The following CCDC30 variants were observed in gnomAD, a reference collection of about 807,000 sequenced individuals.
CCDC30 encodes coiled-coil domain-containing protein 30.
In CCDC30, 70 loss-of-function variants were observed where a neutral mutation model predicts 100.2. The ratio of observed to expected loss-of-function variants is 0.70; its 90% CI spans 0.58 to 0.85. CCDC30 has a LOEUF of 0.85. Among genes scored for constraint, CCDC30 ranks in the 40% least tolerant of loss-of-function variants. The pLI, the probability that CCDC30 is intolerant of heterozygous loss-of-function variation, is 0.00. For missense variants in CCDC30, 652 were observed against 771.2 expected (o/e 0.85, Z 1.83); for synonymous variants, 233 against 269.5 (o/e 0.86, Z 1.33).
intron 1 of CCDC30, among the ~76,000 whole-genome samples, chr1:42,465,353 T>G: frequency 6.6e-6 from 1 of 151,792 alleles, no homozygotes; most frequent in East Asian, 1.9e-4. Flanking sequence ...TTTTTTTTGT[T>G]TTTGTTTTTG....
rs1166253995 is a variant in CCDC30 at position 42,636,965 on chromosome 1, C to CAAAAAAAAAA, written c.1278-254_1278-245dup. Among the ~76,000 whole-genome samples, 24 of 29,518 alleles carry CAAAAAAAAAA rather than the reference C, an allele frequency of 8.1e-4. 2 individuals are homozygous for CAAAAAAAAAA. The highest frequency in any genetic ancestry group is 5.8e-3 in the South Asian group (2 of 342). The allele number at this position is 29,518 out of a possible 152,430, so 19.4% of individuals were successfully genotyped here. ...TGGGCGACAGAGCAAGACTCCATCT[C>CAAAAAAAAAA]AAAAAAAAAAAAAAAAAAAAAAAAA... On this transcript the variant is annotated intron_variant, in intron 11 of 16. Transcript: ENST00000668663.
downstream of CCDC30, among the ~76,000 whole-genome samples, chr1:42,655,263 T>G (rs1466799595): frequency 1.3e-5 from 2 of 152,070 alleles, no homozygotes; most frequent in African/African-American, 2.4e-5. Context: ...GATAGGAGGT[T>G]GGGCGTGGTG....
intron 6 of CCDC30, among the ~76,000 whole-genome samples, chr1:42,529,323 T>G (rs1473092144): frequency 1.3e-5 from 2 of 152,022 alleles, no homozygotes; most frequent in African/African-American, 4.8e-5. Flanking sequence ...AATACAAAAA[T>G]TAGCTGGGCG....
Position 42,581,482 on chromosome 1 carries a change from A to G in CCDC30, c.969A>G (p.Val323=), listed in dbSNP as rs753635743. 22 of 1,613,664 alleles carry G rather than the reference A, an allele frequency of 1.4e-5. No individual in the cohort carries two copies. The East Asian group carries it at 4.7e-4, about 34-fold the overall frequency. ...AAGCAACACAAAATGAAGCTAAAGT[A>G]AAGCAACAATATCAAGAAGAACAAC... Residue 323 remains valine (V), a synonymous_variant, in exon 9 of 17, where the codon GTA becomes GTG. Coordinates refer to ENST00000668663, the Ensembl canonical transcript of CCDC30.
At chr1:42,588,271 C>G (rs753284515) in intron 9 of CCDC30, among the ~76,000 whole-genome samples, 1 of 152,172 alleles carries the variant, frequency 6.6e-6, no homozygotes, top group Non-Finnish European at 1.5e-5. Context: ...CATGATGAGA[C>G]TGAAAGAGTG....
At chr1:42,457,153 C>A in the CCDC30 span, 7 of 1,593,598 alleles carry the variant, frequency 4.4e-6, no homozygotes, top group Non-Finnish European at 5.1e-6. Context: ...CTCCTGCTTA[C>A]CCACGGATCT....
At chr1:42,498,703 T>C (rs972973864) in intron 5 of CCDC30, 115 bp from the exon 6 acceptor site, 1 of 455,314 alleles carries the variant, frequency 2.2e-6, no homozygotes, top group Non-Finnish European at 3.6e-6. Flanking sequence ...ACCTATGTGT[T>C]GAAGATTTAC....
intron 6 of CCDC30, among the ~76,000 whole-genome samples, chr1:42,510,843 G>C (rs926511452): frequency 9.2e-5 from 14 of 151,944 alleles, no homozygotes; most frequent in Non-Finnish European, 1.6e-4. Flanking sequence ...ATCATTCTCT[G>C]TAGGTCGCCT....
At chr1:42,594,677 G>T (rs944069343) in intron 10 of CCDC30, 1 of 152,078 alleles carries the variant, frequency 6.6e-6, no homozygotes. Flanking sequence ...TCCTGTCTGG[G>T]CAACATAGCC....
chr1:42,570,735 G>A (rs949344741), intron 7 of CCDC30, among the ~76,000 whole-genome samples: 1 of 152,014 alleles, frequency 6.6e-6, no homozygotes, highest in African/African-American at 2.4e-5. Flanking sequence ...TATACCTTGT[G>A]TCTGCCTTAT....
intron 7 of CCDC30, among the ~76,000 whole-genome samples, chr1:42,569,405 T>C (rs1266351813): frequency 6.6e-6 from 1 of 152,068 alleles, no homozygotes; most frequent in Non-Finnish European, 1.5e-5. Flanking sequence ...ATTAGAGAAA[T>C]GCAAATCAAA....
intron 6 of CCDC30, chr1:42,537,096 A>G: frequency 2.3e-6 from 1 of 431,202 alleles, no homozygotes; most frequent in South Asian, 1.7e-5. Context: ...TTCTATAATA[A>G]TAATGGGGTA....
chr1:42,516,122 C>T (rs1644551026), intron 6 of CCDC30, among the ~76,000 whole-genome samples: 1 of 152,206 alleles, frequency 6.6e-6, no homozygotes, highest in East Asian at 1.9e-4. Context: ...AACTGTCATA[C>T]TATTCTCCAC....
At chr1:42,648,626 C>T (rs941372841) in intron 15 of CCDC30, among the ~76,000 whole-genome samples, 8 of 152,072 alleles carry the variant, frequency 5.3e-5, no homozygotes, top group South Asian at 4.1e-4. Flanking sequence ...GCCGAGATCA[C>T]GCCACTGCTC....
chr1:42,476,759 A>G (rs1643886712), intron 1 of CCDC30, among the ~76,000 whole-genome samples: 1 of 151,184 alleles, frequency 6.6e-6, no homozygotes, highest in African/African-American at 2.4e-5. Flanking sequence ...GTCAGTGATT[A>G]TATTTACCAC....
downstream of CCDC30, chr1:42,654,321 A>G (rs1389486082): frequency 7.0e-6 from 2 of 285,384 alleles, no homozygotes; most frequent in Non-Finnish European, 1.3e-5. Context: ...TCCCATTATC[A>G]TGGGTATCTT....
At chr1:42,465,345 T>TTTTTTG (rs1198149050) in intron 1 of CCDC30, among the ~76,000 whole-genome samples, 5 of 151,990 alleles carry the variant, frequency 3.3e-5, no homozygotes, top group African/African-American at 1.2e-4. Context: ...TAGGACAGTT[T>TTTTTTG]TTTTTGTTTT....
At chr1:42,487,834 C>T (rs1644075667) in intron 3 of CCDC30, among the ~76,000 whole-genome samples, 1 of 152,112 alleles carries the variant, frequency 6.6e-6, no homozygotes, top group African/African-American at 2.4e-5. Context: ...TCTCCAGAGC[C>T]TTCAGAGAGA....
chr1:42,608,034 C>A (rs184793140), intron 10 of CCDC30, among the ~76,000 whole-genome samples: 24 of 151,444 alleles, frequency 1.6e-4, no homozygotes, highest in African/African-American at 5.8e-4. Flanking sequence ...AGGGATCATA[C>A]GGCCCTTTAA....
Sources: allele counts gnomAD v4.1 joint callset (sites outside exome capture counted in the v4.1 genomes callset), GRCh38; gene constraint gnomAD v4.1.1; transcripts MANE v1.5; gene names NCBI Gene and HGNC (gene_info 2026-07-23, HGNC 2026-07-21).